ADAMTSL3: variants seen among roughly 807,000 people sequenced by gnomAD.
The protein encoded by ADAMTSL3 is ADAMTS like 3.
A neutral mutation model predicts 201.7 loss-of-function variants in ADAMTSL3; 128 were observed. The observed-to-expected ratio is 0.63, with a 90% CI of 0.55 to 0.73. ADAMTSL3 has a LOEUF of 0.73. Among genes scored for constraint, ADAMTSL3 ranks in the 30% least tolerant of loss-of-function variants. The pLI is 0.00. For synonymous variants in ADAMTSL3, 738 were observed against 748.4 expected, an observed-to-expected ratio of 0.99 and a Z score of 0.23; for missense variants, 1,990 against 2,119.6, an observed-to-expected ratio of 0.94 and a Z score of 1.20.
intron 3 of ADAMTSL3, among the ~76,000 whole-genome samples, chr15:83,736,565 C>T (rs1175397971): frequency 3.3e-5 from 5 of 152,156 alleles, no homozygotes; most frequent in Non-Finnish European, 7.4e-5. Context: ...AAAATACATT[C>T]AGGAGGAATT....
chr15:83,862,721 A>G (rs550456818), intron 8 of ADAMTSL3: 1 of 152,314 alleles, frequency 6.6e-6, no homozygotes, highest in East Asian at 1.9e-4. Context: ...CTAATGGGCA[A>G]AATAACCAGC....
In ADAMTSL3 at chr15:83,907,163, T is replaced by G. The variant is rs990554090; in HGVS notation, c.1701-5929T>G. Among the ~76,000 whole-genome samples, 3 of 152,276 alleles carry G rather than the reference T, an allele frequency of 2.0e-5. No homozygotes were observed. In the East Asian group the frequency reaches 5.8e-4, roughly 29 times the overall value. ...GAAAGTTTAATCCATTTAAATAGAT[T>G]TTTTATTACTGATAGTTCTGGTCTC... On this transcript the variant is annotated intron_variant, in intron 15 of 29. Coordinates refer to ENST00000286744, the MANE Select transcript of ADAMTSL3 (RefSeq NM_207517.3).
intron 3 of ADAMTSL3, among the ~76,000 whole-genome samples, chr15:83,746,150 A>G (rs1567116198): frequency 6.0e-4 from 1 of 1,658 alleles, no homozygotes; most frequent in Non-Finnish European, 9.2e-4. Context: ...ATTGAATTCC[A>G]AGGAAGAAAG....
intron 16 of ADAMTSL3, among the ~76,000 whole-genome samples, chr15:83,916,353 C>T (rs904397543): frequency 1.3e-5 from 2 of 152,124 alleles, no homozygotes; most frequent in African/African-American, 2.4e-5. Context: ...GAGCCTTGGA[C>T]ACCTACTAAC....
In ADAMTSL3 at chr15:84,014,696, A is replaced by G; in HGVS notation, c.4128A>G (p.Ala1376=). The part of the protein sequence containing the change: ...VCIATNALGK[A]VATSVLHLLE... Reference sequence around the variant, plus strand: ...TAGCCACCAATGCTCTTGGAAAGGCAGTGGCAACATCTGTACTCCACTTGC... The same window carrying G: ...TAGCCACCAATGCTCTTGGAAAGGCGGTGGCAACATCTGTACTCCACTTGC... Residue 1376 remains alanine (A), a synonymous_variant, in exon 24 of 30, where the codon GCA becomes GCG. Coordinates refer to ENST00000286744, the MANE Select transcript of ADAMTSL3 (RefSeq NM_207517.3). 1.9e-6 allele frequency: 3 copies of G among 1,611,174 alleles called. No individual in the cohort carries two copies. Among genetic ancestry groups the G allele is most frequent in the Non-Finnish European group, 2.5e-6 (3 of 1,179,234 alleles).
At chr15:83,843,564 C>G (rs890174199) in intron 7 of ADAMTSL3, among the ~76,000 whole-genome samples, 1 of 152,148 alleles carries the variant, frequency 6.6e-6, no homozygotes, top group Non-Finnish European at 1.5e-5. Flanking sequence ...TATAATCATG[C>G]TTTGTGTGAA....
At chr15:83,690,705 A>G (rs1032734700) in intron 2 of ADAMTSL3, among the ~76,000 whole-genome samples, 1 of 152,098 alleles carries the variant, frequency 6.6e-6, no homozygotes, top group Non-Finnish European at 1.5e-5. Flanking sequence ...AGTGAGTTCC[A>G]TGGGAGCATG....
intron 2 of ADAMTSL3, among the ~76,000 whole-genome samples, chr15:83,664,755 G>C (rs1447826043): frequency 6.6e-6 from 1 of 152,210 alleles, no homozygotes; most frequent in African/African-American, 2.4e-5. Context: ...CAAGGCAGGA[G>C]GATTAGTTGA....
At chr15:84,037,642 AT>A in intron 29 of ADAMTSL3, 57 bp from the exon 30 acceptor site, 2 of 1,486,380 alleles carry the variant, frequency 1.3e-6, no homozygotes, top group Non-Finnish European at 1.8e-6. Flanking sequence ...AAGTCAAATA[AT>A]TTTTAATTAG....
chr15:83,762,458 G>A (rs2062823666), intron 3 of ADAMTSL3, among the ~76,000 whole-genome samples: 2 of 152,184 alleles, frequency 1.3e-5, no homozygotes, highest in Non-Finnish European at 2.9e-5. Flanking sequence ...ATGTTCTGGA[G>A]GCTGGGAAGT....
intron 24 of ADAMTSL3, among the ~76,000 whole-genome samples, chr15:84,015,815 C>T (rs1046774620): frequency 1.3e-5 from 2 of 152,212 alleles, no homozygotes; most frequent in African/African-American, 4.8e-5. Flanking sequence ...CCCATTTCCA[C>T]TCATGAATCT....
chr15:83,909,061 G>A (rs542300829), intron 15 of ADAMTSL3, among the ~76,000 whole-genome samples: 6 of 152,312 alleles, frequency 3.9e-5, no homozygotes, highest in Non-Finnish European at 8.8e-5. Context: ...CCATCTTTGA[G>A]CCAGCAACAG....
At chr15:83,913,475 A>G (rs1276773336) in intron 16 of ADAMTSL3, 97 bp downstream of exon 16, 3 of 1,243,466 alleles carry the variant, frequency 2.4e-6, no homozygotes, top group Non-Finnish European at 2.2e-6. Flanking sequence ...AATTAGCAAA[A>G]GTCTAAAGGA....
chr15:83,824,038 TTTTC>T (rs764695730), intron 6 of ADAMTSL3, among the ~76,000 whole-genome samples: 42 of 151,248 alleles, frequency 2.8e-4, no homozygotes, highest in Non-Finnish European at 5.7e-4. Flanking sequence ...TTCTTTCTTT[TTTTC>T]TTTTTCTTTT....
rs571910567 is a variant in ADAMTSL3, at chr15:83,782,052, C to G, written c.317+8402C>G. On this transcript the variant is annotated intron_variant, in intron 4 of 29. Transcript: ENST00000286744. ...TAAAAACAGAAATAACCGTTAGACC[C>G]AAAAATCCCATTACTGGGTATATAT... 3.3e-5 allele frequency among the ~76,000 whole-genome samples: 5 copies of G among 152,228 alleles called. No homozygotes were observed. In the East Asian group the frequency reaches 5.8e-4, roughly 18 times the overall value.
intron 19 of ADAMTSL3, among the ~76,000 whole-genome samples, chr15:83,945,275 A>G (rs1417554449): frequency 6.6e-6 from 1 of 152,140 alleles, no homozygotes; most frequent in Non-Finnish European, 1.5e-5. Flanking sequence ...CAATGACTTG[A>G]GGGACAGGAG....
chr15:83,969,552 A>G (rs1344375870), intron 19 of ADAMTSL3, among the ~76,000 whole-genome samples: 5 of 152,266 alleles, frequency 3.3e-5, no homozygotes, highest in African/African-American at 4.8e-5. Flanking sequence ...AGCCTTAAAA[A>G]TGTAGGAAAC....
chr15:83,832,576 T>A lies in ADAMTSL3; in HGVS notation c.601-5513T>A, dbSNP rs146501464. The stretch of plus-strand genomic sequence containing the variant: ...CAGTATCTTTCCTTCAGCAGGATAA[T>A]GTTCACATAAATTGCCTTTCTTGTG... On this transcript the variant is annotated intron_variant, in intron 6 of 29. Transcript: ENST00000286744. Among the ~76,000 whole-genome samples, 4 of 152,318 alleles carry A rather than the reference T, an allele frequency of 2.6e-5. No individual in the cohort carries two copies. The East Asian group carries it at 7.7e-4, about 29-fold the overall frequency.
intron 28 of ADAMTSL3, 93 bp from the exon 29 acceptor site, chr15:84,036,680 T>C: frequency 1.1e-6 from 1 of 895,004 alleles, no homozygotes; most frequent in South Asian, 1.7e-5. Context: ...ATACGTAGTA[T>C]AGAGTAAGGT....
Sources: allele counts gnomAD v4.1 joint callset (sites outside exome capture counted in the v4.1 genomes callset), GRCh38; gene constraint gnomAD v4.1.1; transcripts MANE v1.5; gene names NCBI Gene and HGNC (gene_info 2026-07-23, HGNC 2026-07-21).